Variants in PTPRG observed in about 807,000 individuals in gnomAD.
The protein encoded by PTPRG is protein tyrosine phosphatase receptor type G, also known as receptor-type tyrosine-protein phosphatase gamma.
PTPRG carries 102 observed loss-of-function variants against 165.3 expected under a neutral mutation model. That is an observed-to-expected ratio of 0.62 (90% CI 0.53 to 0.73). The LOEUF (loss-of-function observed/expected upper bound fraction) is 0.73, where lower values mean the gene tolerates loss of function less well. PTPRG is among the 30% of genes least tolerant of loss of function. PTPRG has a pLI of 0.00. For synonymous variants in PTPRG, 675 were observed against 669.5 expected, an observed-to-expected ratio of 1.01 and a Z score of -0.13; for missense variants, 1,866 against 1,861.4, an observed-to-expected ratio of 1.00 and a Z score of -0.05.
At chr3:61,806,048 G>T (rs777922950) in intron 2 of PTPRG, among the ~76,000 whole-genome samples, 4 of 152,154 alleles carry the variant, frequency 2.6e-5, no homozygotes, top group Non-Finnish European at 5.9e-5. Flanking sequence ...TGGGATGATT[G>T]CTAAAGTTCT....
At chr3:61,671,834 T>G in intron 1 of PTPRG, among the ~76,000 whole-genome samples, 1 of 113,154 alleles carries the variant, frequency 8.8e-6, no homozygotes, top group Non-Finnish European at 1.8e-5. Flanking sequence ...CACTTCCCAG[T>G]AGGGGCGGCC....
At chr3:62,003,733 T>C (rs908896044) in intron 4 of PTPRG, among the ~76,000 whole-genome samples, 5 of 152,222 alleles carry the variant, frequency 3.3e-5, no homozygotes, top group Admixed American at 6.5e-5. Context: ...GACTCACTAC[T>C]GGTTGATGAT....
chr3:61,628,915 C>T (rs1406884364), intron 1 of PTPRG, among the ~76,000 whole-genome samples: 1 of 152,158 alleles, frequency 6.6e-6, no homozygotes, highest in African/African-American at 2.4e-5. Flanking sequence ...GGTAAACACC[C>T]AGGTCTGTTT....
intron 2 of PTPRG, among the ~76,000 whole-genome samples, chr3:61,940,047 A>G (rs2039580954): frequency 7.0e-6 from 1 of 143,348 alleles, no homozygotes; most frequent in South Asian, 2.2e-4. Flanking sequence ...CCCAGGTTCA[A>G]GCAATTCTCC....
At chr3:61,964,038 T>A (rs1375731225) in intron 2 of PTPRG, among the ~76,000 whole-genome samples, 3 of 152,248 alleles carry the variant, frequency 2.0e-5, no homozygotes, top group Non-Finnish European at 2.9e-5. Flanking sequence ...TAGCAGCAGT[T>A]GCTCATTTAA....
chr3:62,029,612 A>T (rs1249615015), intron 4 of PTPRG, among the ~76,000 whole-genome samples: 1 of 152,152 alleles, frequency 6.6e-6, no homozygotes, highest in Non-Finnish European at 1.5e-5. Context: ...ATAAATTAAA[A>T]CCCAAGGCAA....
chr3:62,168,942 G>A (rs1475280972), intron 8 of PTPRG, among the ~76,000 whole-genome samples: 1 of 152,126 alleles, frequency 6.6e-6, no homozygotes, highest in African/African-American at 2.4e-5. Flanking sequence ...GGGGTATCAA[G>A]TGAGAAGATG....
Position 62,255,904 on chromosome 3 carries a change from A to G in PTPRG, c.2559+689A>G, listed in dbSNP as rs1019471520. 1.3e-5 allele frequency among the ~76,000 whole-genome samples: 2 copies of G among 152,062 alleles called. No homozygotes were observed. The highest frequency in any genetic ancestry group is 1.5e-5 in the Non-Finnish European group (1 of 68,006). On this transcript the variant is annotated intron_variant, in intron 16 of 29. Transcript: ENST00000474889. This position sits in a 1 kb window ranked among gnomAD's most constrained non-coding sequence, Gnocchi z 4.0. ...AACAAGGTAGAGAGAGGCATGTACCACCCTGCCAACTCTGGGTTCTGTGCC... is the reference window on the plus strand; with the variant it reads ...AACAAGGTAGAGAGAGGCATGTACCGCCCTGCCAACTCTGGGTTCTGTGCC...
chr3:61,745,681 C>G (rs1390022617), intron 1 of PTPRG, among the ~76,000 whole-genome samples: 1 of 152,216 alleles, frequency 6.6e-6, no homozygotes, highest in African/African-American at 2.4e-5. Context: ...TTTAGACAGG[C>G]AGTCCTGTTG....
In PTPRG at chr3:61,731,349, CTTTTTTT is replaced by C. The variant is rs543374959; in HGVS notation, c.86-17517_86-17511del. The stretch of plus-strand genomic sequence containing the variant: ...ACACAGAAGCTCACTTTCCTTTTTC[CTTTTTTT>C]TTTTTTTTTTTGAGACGGAGTCTTG... On this transcript the variant is annotated intron_variant, in intron 1 of 29. Transcript: ENST00000474889. 5.3e-5 allele frequency among the ~76,000 whole-genome samples: 7 copies of C among 132,186 alleles called. No individual in the cohort carries two copies. In the South Asian group the frequency reaches 7.5e-4, roughly 14 times the overall value. 86.7% of individuals were successfully genotyped at this position (132,186 alleles called of 152,430 possible).
At chr3:61,887,040 A>G (rs1190313810) in intron 2 of PTPRG, among the ~76,000 whole-genome samples, 1 of 149,314 alleles carries the variant, frequency 6.7e-6, no homozygotes, top group East Asian at 2.0e-4. Context: ...GCCACTAGTA[A>G]GAGGAAACAT....
intron 1 of PTPRG, among the ~76,000 whole-genome samples, chr3:61,571,762 TATC>T (rs1251882333): frequency 6.6e-6 from 1 of 152,218 alleles, no homozygotes; most frequent in Non-Finnish European, 1.5e-5. Context: ...GTCCCATGTA[TATC>T]ATCTAAGTGT....
Position 61,561,614 on chromosome 3 carries a change from G to A in PTPRG, c.-674G>A. The A allele has an allele frequency of 6.5e-6, 1 of 152,928 alleles. No homozygotes were observed. The highest frequency in any genetic ancestry group is 1.5e-5 in the Non-Finnish European group (1 of 68,630). 9.5% of individuals were successfully genotyped at this position (152,928 alleles called of 1,614,324 possible). A position where few individuals can be genotyped will look rare whatever the true frequency, so the allele number is the denominator to read the frequency against. ...AGGCATGGCCAGTTTCCAGCCCCGC[G>A]CTCTTCGTTCCTTCCCAGCCTGCGC... On this transcript the variant is annotated 5_prime_UTR_variant, in exon 1 of 30. Coordinates refer to ENST00000474889, the MANE Select transcript of PTPRG (RefSeq NM_002841.4).
Position 62,071,279 on chromosome 3 carries a change from G to A in PTPRG, c.520-6884G>A, listed in dbSNP as rs191967808. ...CGTGGGAGAAATCGCTTTTTGAGAG[G>A]AAATAAAACGTAGAGCTTTCTAAAT... On this transcript the variant is annotated intron_variant, in intron 4 of 29. Coordinates refer to ENST00000474889, the MANE Select transcript of PTPRG (RefSeq NM_002841.4). 2.5e-4 allele frequency among the ~76,000 whole-genome samples: 38 copies of A among 152,264 alleles called. No individual in the cohort carries two copies. The East Asian group carries it at 6.8e-3, about 27-fold the overall frequency.
chr3:61,812,507 A>G (rs2035616815), intron 2 of PTPRG, among the ~76,000 whole-genome samples: 1 of 152,236 alleles, frequency 6.6e-6, no homozygotes, highest in South Asian at 2.1e-4. Context: ...AAGTTTCCAC[A>G]TACTGCCTCT....
intron 2 of PTPRG, among the ~76,000 whole-genome samples, chr3:61,833,062 T>G (rs1432675497): frequency 7.0e-6 from 1 of 142,624 alleles, no homozygotes; most frequent in Non-Finnish European, 1.5e-5. Context: ...CTGAGTAGTA[T>G]TCCATTGTGT....
At chr3:62,126,690 G>T (rs2106910082) in intron 5 of PTPRG, among the ~76,000 whole-genome samples, 1 of 152,362 alleles carries the variant, frequency 6.6e-6, no homozygotes, top group South Asian at 2.1e-4. Flanking sequence ...CTGGAATTTA[G>T]TAGTTGCATT....
chr3:61,580,920 G>C (rs1382023004), intron 1 of PTPRG, among the ~76,000 whole-genome samples: 2 of 152,180 alleles, frequency 1.3e-5, no homozygotes, highest in Admixed American at 6.5e-5. Flanking sequence ...TGGAGGTTTT[G>C]GAGTAGTTAC....
intron 2 of PTPRG, among the ~76,000 whole-genome samples, chr3:61,927,212 C>A (rs1337830767): frequency 6.6e-6 from 1 of 151,970 alleles, no homozygotes; most frequent in African/African-American, 2.4e-5. Flanking sequence ...TTTTTTCCTC[C>A]CAGCTATATA....
Sources: gnomAD v4.1 joint callset for allele counts (sites outside exome capture counted in the v4.1 genomes callset) on GRCh38, gnomAD v4.1.1 for gene constraint, Gnocchi (gnomAD v3.1) non-coding constraint, MANE v1.5 for transcripts, NCBI Gene and HGNC (gene_info 2026-07-23, HGNC 2026-07-21) for gene names.